ITPR3: variants seen among roughly 807,000 people sequenced by gnomAD.
ITPR3 encodes inositol 1,4,5-trisphosphate receptor type 3.
A neutral mutation model predicts 293.2 loss-of-function variants in ITPR3; 173 were observed. That is an observed-to-expected ratio of 0.59 (90% confidence interval 0.52 to 0.67). The LOEUF is 0.67. ITPR3 is among the 30% of genes least tolerant of loss of function. ITPR3 has a pLI of 0.00. For missense variants in ITPR3, 2,796 were observed against 3,592.1 expected, an observed-to-expected ratio of 0.78 and a Z score of 5.66; for synonymous variants, 1,295 against 1,444.4, an observed-to-expected ratio of 0.90 and a Z score of 2.35.
intron 33 of ITPR3, among the ~76,000 whole-genome samples, chr6:33,681,886 G>T (rs1474674204): frequency 6.8e-6 from 1 of 146,490 alleles, no homozygotes; most frequent in Non-Finnish European, 1.5e-5. Context: ...AAAGTGTTAT[G>T]TTTTTTTTTT....
chr6:33,678,679 A>C lies in ITPR3; in HGVS notation c.3812A>C (p.Asn1271Thr). Residue 1271 changes from asparagine (N) to threonine (T), a missense_variant, in exon 30 of 58, where the codon AAC becomes ACC. Physicochemically the swap from Asn to Thr is moderately conservative, Grantham distance 65. This residue lies in a region of ITPR3 where 344 missense variants were observed against 460.3 expected (regional missense o/e 0.75). Transcript: ENST00000605930. Reference sequence around the variant, plus strand: ...ACCATGCAGCACATCTTCCTGAACAACTATCAGCTCTGCTCCGAGATCAGC... The same window carrying C: ...ACCATGCAGCACATCTTCCTGAACACCTATCAGCTCTGCTCCGAGATCAGC... ...AETMQHIFLN[N>T]YQLCSEISEP... The C allele has an allele frequency of 6.2e-7, 1 of 1,613,156 alleles. No individual in the cohort carries two copies. The highest frequency in any genetic ancestry group is 8.5e-7 in the Non-Finnish European group (1 of 1,179,840).
chr6:33,654,577 A>G lies in ITPR3; in HGVS notation c.161-1189A>G, dbSNP rs779811051. ...TGGGACTGGATGACCAGCTTTGACC[A>G]GAGAAAAGACACAGCTTTCTTAGAG... On this transcript the variant is annotated intron_variant, in intron 2 of 57. Transcript: ENST00000605930. This position sits in a 1 kb window ranked among gnomAD's most constrained non-coding sequence, Gnocchi z 4.1. Among the ~76,000 whole-genome samples the G allele has an allele frequency of 5.9e-5, 9 of 152,234 alleles. No individual in the cohort carries two copies. Among genetic ancestry groups the G allele is most frequent in the Non-Finnish European group, 1.3e-4 (9 of 68,042 alleles).
chr6:33,639,447 G>T (rs12525769), intron 1 of ITPR3, among the ~76,000 whole-genome samples: 5 of 151,648 alleles, frequency 3.3e-5, no homozygotes, highest in Non-Finnish European at 7.4e-5. Context: ...GAAGGAGCAC[G>T]GGCTTTGAAA....
intron 6 of ITPR3, 105 bp downstream of exon 6, chr6:33,659,224 A>G (rs1582127456): frequency 9.0e-7 from 1 of 1,113,624 alleles, no homozygotes; most frequent in Non-Finnish European, 1.3e-6. Context: ...GCCCCATCTG[A>G]CCTGCCGGAC....
In ITPR3 at chr6:33,679,392, AAG is replaced by A. The variant is rs1476534929; in HGVS notation, c.3973-488_3973-487del. ...TGACAGTGTAGGCGGCAGGGGGAGA[AAG>A]AAGCAAACACTGAAGGGAGATTAGG... On this transcript the variant is annotated intron_variant, in intron 30 of 57. Coordinates refer to ENST00000605930, the MANE Select transcript of ITPR3 (RefSeq NM_002224.4). This position sits in a 1 kb window ranked among gnomAD's most constrained non-coding sequence, Gnocchi z 4.2. Among the ~76,000 whole-genome samples, 2 of 152,234 alleles carry A rather than the reference AAG, an allele frequency of 1.3e-5. No individual in the cohort carries two copies. Among genetic ancestry groups the A allele is most frequent in the Non-Finnish European group, 2.9e-5 (2 of 68,038 alleles).
rs1205329245 is a variant in ITPR3, at chr6:33,665,819, G to A, written c.1410-16G>A. 9 of 1,613,256 alleles carry A rather than the reference G, an allele frequency of 5.6e-6. No individual in the cohort carries two copies. The highest frequency in any genetic ancestry group is 3.3e-5 in the South Asian group (3 of 91,012). ...TGGGTATCTCACACTCGTCATCCCCGGGTCCCCTCACCCAGGTTTGTCATC... is the reference window on the plus strand; with the variant it reads ...TGGGTATCTCACACTCGTCATCCCCAGGTCCCCTCACCCAGGTTTGTCATC... On this transcript the variant is annotated splice_polypyrimidine_tract_variant and intron_variant, in intron 13 of 57. Transcript: ENST00000605930.
Position 33,687,670 on chromosome 6 carries a change from C to T in ITPR3, c.6264+106C>T. The T allele has an allele frequency of 2.2e-6, 2 of 916,800 alleles. No homozygotes were observed. The highest frequency in any genetic ancestry group is 3.4e-6 in the Non-Finnish European group (2 of 591,674). The allele number at this position is 916,800 out of a possible 1,614,324, so 56.8% of individuals were successfully genotyped here. On this transcript the variant is annotated intron_variant, in intron 46 of 57. Transcript: ENST00000605930. This position sits in a 1 kb window ranked among gnomAD's most constrained non-coding sequence, Gnocchi z 5.3. Reference sequence around the variant, plus strand: ...ACAGAGTGAGGCCCTAGAATATGAGCCAGGCTAGAATTTGGGGGTACAGCT... The same window carrying T: ...ACAGAGTGAGGCCCTAGAATATGAGTCAGGCTAGAATTTGGGGGTACAGCT...
rs1324375924 is a variant in ITPR3 at position 33,663,879 on chromosome 6, C to T, written c.1147C>T (p.Arg383Trp). The T allele has an allele frequency of 2.5e-6, 4 of 1,614,064 alleles. No individual in the cohort carries two copies. Among genetic ancestry groups the T allele is most frequent in the Non-Finnish European group, 2.5e-6 (3 of 1,179,990 alleles). ...GCAGAAAACCGACTCTTTCGTGCCC[C>T]GGTGGGTATGCGCCATGTGCCTGGG... The part of the protein sequence containing the change: ...TLQKTDSFVP[R>W]NSYVRLRHLC... The change falls in exon 11 of 58, where the codon CGG becomes TGG. Residue 383 changes from arginine to tryptophan, a missense_variant and splice_region_variant. Coordinates refer to ENST00000605930, the MANE Select transcript of ITPR3 (RefSeq NM_002224.4).
chr6:33,693,004 C>A, intron 55 of ITPR3, 111 bp downstream of exon 55: 1 of 1,032,114 alleles, frequency 9.7e-7, no homozygotes, highest in Non-Finnish European at 1.4e-6. Flanking sequence ...TGGCCCGGAG[C>A]TGATGACTTG....
At chr6:33,644,990 A>G (rs1764032918) in intron 2 of ITPR3, among the ~76,000 whole-genome samples, 1 of 151,330 alleles carries the variant, frequency 6.6e-6, no homozygotes, top group African/African-American at 2.4e-5. Context: ...TAAACCCCAT[A>G]TATTAAAGGT....
intron 20 of ITPR3, 72 bp from the exon 21 acceptor site, chr6:33,671,093 C>T: frequency 6.3e-7 from 1 of 1,591,690 alleles, no homozygotes; most frequent in Non-Finnish European, 8.6e-7. Flanking sequence ...CCAGTCCTGG[C>T]CTGCCCTCCA....
Position 33,668,824 on chromosome 6 carries a change from G to C in ITPR3, c.2007-150G>C, listed in dbSNP as rs947334918. 5.9e-6 allele frequency: 7 copies of C among 1,183,422 alleles called. No individual in the cohort carries two copies. The Admixed American group carries it at 1.4e-4, about 24-fold the overall frequency. 73.3% of individuals were successfully genotyped at this position (1,183,422 alleles called of 1,614,324 possible). Reference sequence around the variant, plus strand: ...GGGAGTGGGGAAGGGGCACAGAAAAGAATGAGCCACGGACCCTGCCCTTGA... The same window carrying C: ...GGGAGTGGGGAAGGGGCACAGAAAACAATGAGCCACGGACCCTGCCCTTGA... On this transcript the variant is annotated intron_variant, in intron 17 of 57. Transcript: ENST00000605930.
At chr6:33,671,075 TA>T in intron 20 of ITPR3, 89 bp from the exon 21 acceptor site, 3 of 1,564,222 alleles carry the variant, frequency 1.9e-6, no homozygotes, top group Non-Finnish European at 2.6e-6. Flanking sequence ...CCTTTCGCCC[TA>T]GTTTCCCCAG....
At chr6:33,676,522 C>G (rs1027309352) in intron 25 of ITPR3, among the ~76,000 whole-genome samples, 1 of 152,268 alleles carries the variant, frequency 6.6e-6, no homozygotes, top group Non-Finnish European at 1.5e-5. Flanking sequence ...CAGTGAGTAA[C>G]TGAAGCCAGG....
At position 33,659,137 on chromosome 6, in the gene ITPR3, C is replaced by G. The variant is rs774802299; in HGVS notation, c.627+18C>G. The G allele has an allele frequency of 1.2e-6, 2 of 1,608,426 alleles. No individual in the cohort carries two copies. Among genetic ancestry groups the G allele is most frequent in the East Asian group, 2.2e-5 (1 of 44,860 alleles). Reference sequence around the variant, plus strand: ...GCAAGGAGGTGAGGGGGTGGGGGGTCAGCCATGCAGTGCAGGGACGTCCAC... The same window carrying G: ...GCAAGGAGGTGAGGGGGTGGGGGGTGAGCCATGCAGTGCAGGGACGTCCAC... On this transcript the variant is annotated intron_variant, in intron 6 of 57. Coordinates refer to ENST00000605930, the MANE Select transcript of ITPR3 (RefSeq NM_002224.4).
Position 33,691,745 on chromosome 6 carries a change from CTGTG to C in ITPR3, c.7330+29_7330+32del. On this transcript the variant is annotated intron_variant, in intron 53 of 57. Coordinates refer to ENST00000605930, the MANE Select transcript of ITPR3 (RefSeq NM_002224.4). This position sits in a 1 kb window ranked among gnomAD's most constrained non-coding sequence, Gnocchi z 4.9. ...GTGAGGGTGGTGTGTGTGCAGGAGTCTGTGTGGGGTAGGAGGAGCAGGCAGCCCG... is the reference window on the plus strand; with the variant it reads ...GTGAGGGTGGTGTGTGTGCAGGAGTCTGGGGTAGGAGGAGCAGGCAGCCCG... The C allele has an allele frequency of 6.2e-7, 1 of 1,612,822 alleles. No homozygotes were observed. Among genetic ancestry groups the C allele is most frequent in the Non-Finnish European group, 8.5e-7 (1 of 1,179,628 alleles).
At chr6:33,690,323 A>C in intron 51 of ITPR3, 125 bp downstream of exon 51, 1 of 1,023,392 alleles carries the variant, frequency 9.8e-7, no homozygotes, top group Non-Finnish European at 1.4e-6. Flanking sequence ...GGCTGGGAGC[A>C]GTGAAATTAC....
Position 33,690,928 on chromosome 6 carries a change from C to T in ITPR3, c.7044C>T (p.Leu2348=), listed in dbSNP as rs1327332570. 2 of 1,614,096 alleles carry T rather than the reference C, an allele frequency of 1.2e-6. No individual in the cohort carries two copies. The highest frequency in any genetic ancestry group is 1.7e-6 in the Non-Finnish European group (2 of 1,179,970). The change falls in exon 52 of 58, where the codon CTC becomes CTT. Residue 2348 remains leucine (L), a synonymous_variant. Coordinates refer to ENST00000605930, the MANE Select transcript of ITPR3 (RefSeq NM_002224.4). Reference sequence around the variant, plus strand: ...ACCCCATCCTGCAGCTCTTTGACCTCATCTACCGCGAGGAGACGCTGTTCA... The same window carrying T: ...ACCCCATCCTGCAGCTCTTTGACCTTATCTACCGCGAGGAGACGCTGTTCA... ...ELFYSILLFD[L]IYREETLFNV...
chr6:33,627,719 C>A (rs557797011), intron 1 of ITPR3, among the ~76,000 whole-genome samples: 1 of 152,308 alleles, frequency 6.6e-6, no homozygotes, highest in Non-Finnish European at 1.5e-5. Context: ...GGTATAGGAA[C>A]AGAACTTGGT....
Sources: gnomAD v4.1 joint callset for allele counts (sites outside exome capture counted in the v4.1 genomes callset) on GRCh38, gnomAD v4.1.1 for gene constraint, gnomAD v4.1.1 regional missense constraint, Gnocchi (gnomAD v3.1) non-coding constraint, MANE v1.5 for transcripts, NCBI Gene and HGNC (gene_info 2026-07-23, HGNC 2026-07-21) for gene names.